The following FAR1 variants were observed in gnomAD, a reference collection of about 807,000 sequenced individuals.
FAR1 encodes the protein fatty acyl-CoA reductase 1.
A neutral mutation model predicts 61.1 loss-of-function variants in FAR1; 22 were observed. The ratio of observed to expected loss-of-function variants is 0.36; its 90% CI spans 0.26 to 0.51. The LOEUF is 0.51. FAR1 is among the 20% of genes least tolerant of loss of function. The pLI is 0.95. For missense variants in FAR1, 359 were observed against 626.9 expected (o/e 0.57, Z 4.56); for synonymous variants, 206 against 209.7 (o/e 0.98, Z 0.15).
rs186066196 is a variant in FAR1, at chr11:13,706,449, C to T, written c.366-1451C>T. 2.0e-5 allele frequency among the ~76,000 whole-genome samples: 3 copies of T among 151,920 alleles called. No homozygotes were observed. The East Asian group carries it at 5.8e-4, about 29-fold the overall frequency. On this transcript the variant is annotated intron_variant, in intron 3 of 11. Transcript: ENST00000354817. ...GTATCAACAACAGTGTATTACTTTG[C>T]CATTTTTGTCACTAATATTGAGTAT...
At chr11:13,723,346 T>C (rs1281107784) in intron 10 of FAR1, 1 of 339,556 alleles carries the variant, frequency 2.9e-6, no homozygotes, top group Non-Finnish European at 5.3e-6. Context: ...GCTTGAACAA[T>C]AGAGTGAGAG....
chr11:13,702,430 C>A (rs1848386992), intron 3 of FAR1, among the ~76,000 whole-genome samples: 1 of 151,648 alleles, frequency 6.6e-6, no homozygotes, highest in Non-Finnish European at 1.5e-5. Context: ...GGACTGATAC[C>A]CTCATCAACT....
At position 13,729,071 on chromosome 11, in the gene FAR1, C is replaced by G. The variant is rs1025232372; in HGVS notation, c.*297C>G. Reference sequence around the variant, plus strand: ...AAGAGTGGGGAAATAGGAACACTGACCAGTATAACTGTGCAATTCTGGAAC... The same window carrying G: ...AAGAGTGGGGAAATAGGAACACTGAGCAGTATAACTGTGCAATTCTGGAAC... On this transcript the variant is annotated 3_prime_UTR_variant, in exon 12 of 12. Coordinates refer to ENST00000354817, the MANE Select transcript of FAR1 (RefSeq NM_032228.6). 3.7e-5 allele frequency: 9 copies of G among 241,870 alleles called. No homozygotes were observed. Among genetic ancestry groups the G allele is most frequent in the African/African-American group, 2.0e-4 (9 of 45,124 alleles). 15.0% of individuals were successfully genotyped at this position (241,870 alleles called of 1,614,324 possible). A position where few individuals can be genotyped will look rare whatever the true frequency, so the allele number is the denominator to read the frequency against.
chr11:13,674,169 C>T (rs867024615), intron 1 of FAR1, among the ~76,000 whole-genome samples: 4 of 151,800 alleles, frequency 2.6e-5, no homozygotes, highest in East Asian at 1.9e-4. Context: ...ATTAGCCGGG[C>T]GTGGTGGCGC....
Position 13,671,236 on chromosome 11 carries a change from G to A in FAR1, c.-8+2430G>A, listed in dbSNP as rs553855114. The stretch of plus-strand genomic sequence containing the variant: ...AGCCATCATGTGAACTAGAAGTTGG[G>A]ATGTGGGTTATTACAAGACATGAGG... On this transcript the variant is annotated intron_variant, in intron 1 of 11. Transcript: ENST00000354817. 2.6e-4 allele frequency among the ~76,000 whole-genome samples: 40 copies of A among 152,316 alleles called. No individual in the cohort carries two copies. The Middle Eastern group carries it at 0.014, about 52-fold the overall frequency.
chr11:13,711,925 A>C lies in FAR1; in HGVS notation c.769-3A>C. 6.2e-7 allele frequency: 1 copy of C among 1,611,762 alleles called. No individual in the cohort carries two copies. Among genetic ancestry groups the C allele is most frequent in the Non-Finnish European group, 8.5e-7 (1 of 1,178,084 alleles). ...TAAGGTGTTGTTTTTAATTTCAACA[A>C]AGGCAGGGAAAGGAATTCTTCGAAC... On this transcript the variant is annotated splice_region_variant and splice_polypyrimidine_tract_variant and intron_variant, in intron 6 of 11. Coordinates refer to ENST00000354817, the MANE Select transcript of FAR1 (RefSeq NM_032228.6).
chr11:13,705,065 C>G (rs1471327292), intron 3 of FAR1, among the ~76,000 whole-genome samples: 1 of 151,686 alleles, frequency 6.6e-6, no homozygotes, highest in Non-Finnish European at 1.5e-5. Flanking sequence ...GGTCGTTGAG[C>G]TTTTTTTTCT....
rs748761809 is a variant in FAR1, at chr11:13,710,688, A to G, written c.546-5A>G. On this transcript the variant is annotated splice_polypyrimidine_tract_variant and splice_region_variant and intron_variant, in intron 4 of 11. Transcript: ENST00000354817. ...AAATATATTTGTATGCAATTTCTTT[A>G]CCAGGTGGATGGATGATGGCCTAGT... is the stretch of plus-strand genomic sequence containing the variant. The G allele has an allele frequency of 1.4e-5, 22 of 1,561,848 alleles. No homozygotes were observed. Among genetic ancestry groups the G allele is most frequent in the Admixed American group, 2.2e-5 (1 of 44,852 alleles).
intron 3 of FAR1, among the ~76,000 whole-genome samples, chr11:13,706,689 C>G (rs1196656629): frequency 6.6e-6 from 1 of 152,100 alleles, no homozygotes; most frequent in East Asian, 1.9e-4. Context: ...TAACTATAGT[C>G]TATGTTGTAC....
intron 4 of FAR1, 76 bp downstream of exon 4, chr11:13,708,155 A>C: frequency 4.8e-6 from 5 of 1,037,098 alleles, no homozygotes; most frequent in Non-Finnish European, 6.7e-6. Context: ...TGAGGTCAGG[A>C]GTTCAAGAGC....
intron 1 of FAR1, among the ~76,000 whole-genome samples, chr11:13,687,460 T>C (rs906102229): frequency 3.9e-5 from 6 of 152,244 alleles, no homozygotes; most frequent in Non-Finnish European, 5.9e-5. Flanking sequence ...CTTGTAGATA[T>C]CTTGCTGTGT....
rs180701907 is a variant in FAR1, at chr11:13,696,859, T to C, written c.189+1905T>C. On this transcript the variant is annotated intron_variant, in intron 2 of 11. Transcript: ENST00000354817. ...GGTATGGTCTACTCTGATTTTGAAA[T>C]AGGTATAAAGAACATAAGGCCAAAA... Among the ~76,000 whole-genome samples, 57 of 152,234 alleles carry C rather than the reference T, an allele frequency of 3.7e-4. 1 individual carries two copies. Among genetic ancestry groups the C allele is most frequent in the Admixed American group, 3.5e-3 (54 of 15,280 alleles).
intron 1 of FAR1, among the ~76,000 whole-genome samples, chr11:13,689,926 A>AGTG (rs1848230429): frequency 3.0e-5 from 4 of 133,502 alleles, no homozygotes; most frequent in Non-Finnish European, 6.1e-5. Flanking sequence ...GCCAGGCTGG[A>AGTG]GTGCAGTGGC....
chr11:13,684,006 T>C (rs1245908338), intron 1 of FAR1, among the ~76,000 whole-genome samples: 1 of 152,240 alleles, frequency 6.6e-6, no homozygotes, highest in African/African-American at 2.4e-5. Flanking sequence ...ACTGCAGTAC[T>C]ATATTGTGTA....
chr11:13,732,066 A>G lies in FAR1; in HGVS notation c.*3292A>G, dbSNP rs1357693516. 1 of 152,144 alleles carries G rather than the reference A, an allele frequency of 6.6e-6. No homozygotes were observed. The highest frequency in any genetic ancestry group is 1.5e-5 in the Non-Finnish European group (1 of 68,024). The allele number at this position is 152,144 out of a possible 1,614,324, so 9.4% of individuals were successfully genotyped here. A position where few individuals can be genotyped will look rare whatever the true frequency, so the allele number is the denominator to read the frequency against. ...TTTCCAAACTTTTGCATGAGAAACT[A>G]GAAAAAGGAATGTATGCCACGTAAC... On this transcript the variant is annotated 3_prime_UTR_variant, in exon 12 of 12. Transcript: ENST00000354817.
At chr11:13,670,802 G>T (rs1383195825) in intron 1 of FAR1, among the ~76,000 whole-genome samples, 1 of 151,854 alleles carries the variant, frequency 6.6e-6, no homozygotes, top group Non-Finnish European at 1.5e-5. Flanking sequence ...TATTTATGGG[G>T]TGTGGATAGA....
At chr11:13,687,748 A>G (rs1301108822) in intron 1 of FAR1, among the ~76,000 whole-genome samples, 1 of 152,110 alleles carries the variant, frequency 6.6e-6, no homozygotes, top group Non-Finnish European at 1.5e-5. Flanking sequence ...TGCTTGTCAT[A>G]TACACCATGG....
At chr11:13,699,007 A>G (rs1259836508) in intron 2 of FAR1, among the ~76,000 whole-genome samples, 1 of 152,134 alleles carries the variant, frequency 6.6e-6, no homozygotes, top group Admixed American at 6.5e-5. Context: ...TTTCCCAAGC[A>G]TATTAATGCC....
At chr11:13,728,562 A>T in intron 11 of FAR1, 50 bp from the exon 12 acceptor site, 1 of 1,529,568 alleles carries the variant, frequency 6.5e-7, no homozygotes, top group Non-Finnish European at 8.9e-7. Context: ...ATCTAACAAT[A>T]TTTTTTTCTA....
Sources: allele counts gnomAD v4.1 joint callset (sites outside exome capture counted in the v4.1 genomes callset), GRCh38; gene constraint gnomAD v4.1.1; transcripts MANE v1.5; gene names NCBI Gene and HGNC (gene_info 2026-07-23, HGNC 2026-07-21).